Variants in PRKN observed in about 807,000 individuals in gnomAD.
The protein encoded by PRKN is parkin RBR E3 ubiquitin protein ligase.
In PRKN, 56 loss-of-function variants were observed where a neutral mutation model predicts 59.5. The ratio of observed to expected loss-of-function variants is 0.94; its 90% CI spans 0.76 to 1.18. The LOEUF is 1.18. Ranked by LOEUF, PRKN falls within the 50% of genes most tolerant of loss-of-function variation. The pLI, the probability that PRKN is intolerant of heterozygous loss-of-function variation, is 0.00. For synonymous variants in PRKN, 250 were observed against 222.1 expected (o/e 1.13, Z -1.12); for missense variants, 657 against 596.4 (o/e 1.10, Z -1.06).
intron 6 of PRKN, among the ~76,000 whole-genome samples, chr6:161,938,212 A>T (rs1267304169): frequency 6.6e-6 from 1 of 152,224 alleles, no homozygotes; most frequent in East Asian, 1.9e-4. Context: ...TCTCAGGGAA[A>T]CTGGCTTACC....
intron 3 of PRKN, among the ~76,000 whole-genome samples, chr6:162,235,291 G>A (rs1035828427): frequency 2.0e-5 from 3 of 152,054 alleles, no homozygotes; most frequent in African/African-American, 7.2e-5. Flanking sequence ...TTGTTTTTTA[G>A]CCAGGTAATA....
At chr6:162,446,347 T>G (rs1316551326) in intron 1 of PRKN, among the ~76,000 whole-genome samples, 1 of 152,188 alleles carries the variant, frequency 6.6e-6, no homozygotes, top group Non-Finnish European at 1.5e-5. Context: ...CCAAAGCTGC[T>G]ATAAAACCAG....
In PRKN at chr6:162,225,985, T is replaced by C. The variant is rs1040486738; in HGVS notation, c.413-24733A>G. On this transcript the variant is annotated intron_variant, in intron 3 of 11. Coordinates refer to ENST00000366898, the MANE Select transcript of PRKN (RefSeq NM_004562.3). Reference sequence around the variant, plus strand: ...ATATGTTTAGGAAACCATATGTATATACAAATGGAAAGAGTTGGAAGCAAT... The same window carrying C: ...ATATGTTTAGGAAACCATATGTATACACAAATGGAAAGAGTTGGAAGCAAT... Among the ~76,000 whole-genome samples, 7 of 147,680 alleles carry C rather than the reference T, an allele frequency of 4.7e-5. 1 individual carries two copies. The East Asian group carries it at 9.8e-4, about 21-fold the overall frequency.
chr6:161,621,712 AT>A (rs1476891224), intron 7 of PRKN, among the ~76,000 whole-genome samples: 9 of 152,234 alleles, frequency 5.9e-5, no homozygotes, highest in Non-Finnish European at 1.2e-4. Flanking sequence ...GACACCTAAA[AT>A]TAACCATTAC....
At position 161,578,392 on chromosome 6, in the gene PRKN, C is replaced by G. The variant is rs1781215299; in HGVS notation, c.872-8976G>C. ...AAGAAACTCCTGCAAATAATTTAACCAGACAGTTTGCTCATCTGAGTAGCC... is the reference window on the plus strand; with the variant it reads ...AAGAAACTCCTGCAAATAATTTAACGAGACAGTTTGCTCATCTGAGTAGCC... On this transcript the variant is annotated intron_variant, in intron 7 of 11. Coordinates refer to ENST00000366898, the MANE Select transcript of PRKN (RefSeq NM_004562.3). The surrounding 1 kb of genome is among the most constrained non-coding windows in gnomAD (Gnocchi z 4.2). Among the ~76,000 whole-genome samples, 1 of 152,156 alleles carries G rather than the reference C, an allele frequency of 6.6e-6. No homozygotes were observed. The highest frequency in any genetic ancestry group is 1.5e-5 in the Non-Finnish European group (1 of 68,020).
chr6:162,658,933 G>A (rs1316304621), intron 1 of PRKN, among the ~76,000 whole-genome samples: 7 of 151,934 alleles, frequency 4.6e-5, no homozygotes, highest in African/African-American at 7.3e-5. Flanking sequence ...ACGTCTTACC[G>A]ATTTTTTAGT....
chr6:162,252,207 T>C (rs1157535431), intron 3 of PRKN, among the ~76,000 whole-genome samples: 1 of 152,218 alleles, frequency 6.6e-6, no homozygotes, highest in Non-Finnish European at 1.5e-5. Context: ...ATAACCAATG[T>C]AGCTGTTAGG....
chr6:162,243,650 A>G lies in PRKN; in HGVS notation c.412+18875T>C, dbSNP rs148679032. ...AAAGATAAGTTTGCTGAAGATCTAC[A>G]AAGAATGCAAAAATTAATATGCATA... On this transcript the variant is annotated intron_variant, in intron 3 of 11. Coordinates refer to ENST00000366898, the MANE Select transcript of PRKN (RefSeq NM_004562.3). Among the ~76,000 whole-genome samples, 723 of 152,248 alleles carry G rather than the reference A, an allele frequency of 4.7e-3. 8 individuals carry two copies. Among genetic ancestry groups the G allele is most frequent in the African/African-American group, 0.017 (687 of 41,558 alleles).
At chr6:161,925,703 T>C (rs969020476) in intron 6 of PRKN, among the ~76,000 whole-genome samples, 1 of 152,196 alleles carries the variant, frequency 6.6e-6, no homozygotes, top group Non-Finnish European at 1.5e-5. Flanking sequence ...AAGATACAAT[T>C]GAACTTATTC....
At chr6:161,644,096 C>T (rs967100224) in intron 7 of PRKN, among the ~76,000 whole-genome samples, 1 of 152,116 alleles carries the variant, frequency 6.6e-6, no homozygotes, top group African/African-American at 2.4e-5. Context: ...GGTGGCTCAC[C>T]TCCAATCTCA....
intron 4 of PRKN, among the ~76,000 whole-genome samples, chr6:162,182,710 T>C (rs1783850099): frequency 6.6e-6 from 1 of 152,240 alleles, no homozygotes; most frequent in African/African-American, 2.4e-5. Flanking sequence ...TATTGCACTT[T>C]TACTTTATTG....
intron 10 of PRKN, among the ~76,000 whole-genome samples, chr6:161,374,130 C>T (rs1048936163): frequency 2.0e-5 from 3 of 152,130 alleles, no homozygotes; most frequent in Admixed American, 2.0e-4. Flanking sequence ...GGGGCGCTTT[C>T]CTTTGAGGAG....
rs1215204828 is a variant in PRKN, at chr6:161,359,600, T to G, written c.1285+488A>C. Reference sequence around the variant, plus strand: ...GGATAGACAGCAGGAAGTCCCCCACTGGTACTGTGAGTCATCAGGGGCAGG... The same window carrying G: ...GGATAGACAGCAGGAAGTCCCCCACGGGTACTGTGAGTCATCAGGGGCAGG... On this transcript the variant is annotated intron_variant, in intron 11 of 11. Transcript: ENST00000366898. This position sits in a 1 kb window ranked among gnomAD's most constrained non-coding sequence, Gnocchi z 5.4. Among the ~76,000 whole-genome samples the G allele has an allele frequency of 6.6e-6, 1 of 152,214 alleles. No homozygotes were observed. The highest frequency in any genetic ancestry group is 1.5e-5 in the Non-Finnish European group (1 of 68,034).
At chr6:161,766,728 AT>A (rs1583131107) in intron 7 of PRKN, among the ~76,000 whole-genome samples, 1 of 152,214 alleles carries the variant, frequency 6.6e-6, no homozygotes, top group East Asian at 1.9e-4. Context: ...ATTTGATTGT[AT>A]TTTTTCATGC....
At chr6:162,696,718 A>T (rs2023039) in intron 1 of PRKN, among the ~76,000 whole-genome samples, 111,747 of 151,478 alleles carry the variant, frequency 0.74, 42,260 homozygotes, top group African/African-American at 0.89. Flanking sequence ...TAATTTTTTT[A>T]AATCTTTTGT....
chr6:162,352,344 A>G (rs1355001333), intron 2 of PRKN, among the ~76,000 whole-genome samples: 1 of 152,208 alleles, frequency 6.6e-6, no homozygotes, highest in African/African-American at 2.4e-5. Flanking sequence ...GTCAAACCGC[A>G]GGACTGCCTT....
intron 1 of PRKN, among the ~76,000 whole-genome samples, chr6:162,584,979 C>A (rs1031941678): frequency 6.7e-6 from 1 of 148,978 alleles, no homozygotes; most frequent in African/African-American, 2.5e-5. Context: ...TGGCTCACTG[C>A]AACCTCCACC....
At position 161,562,850 on chromosome 6, in the gene PRKN, A is replaced by G. The variant is rs542641636; in HGVS notation, c.933+6505T>C. On this transcript the variant is annotated intron_variant, in intron 8 of 11. Transcript: ENST00000366898. The surrounding 1 kb of genome is among the most constrained non-coding windows in gnomAD (Gnocchi z 4.3). ...CTCCATATTGCAACAAGATTGACAT[A>G]CTCAAAATGTAATTTGGATAATGCT... Among the ~76,000 whole-genome samples, 3 of 152,340 alleles carry G rather than the reference A, an allele frequency of 2.0e-5. No homozygotes were observed. The East Asian group carries it at 5.8e-4, about 29-fold the overall frequency.
Position 161,405,610 on chromosome 6 carries a change from A to G in PRKN, c.1084-18733T>C, listed in dbSNP as rs1476673448. ...AAATAAAATAAAATAAAAATTAAAA[A>G]TAAATAAATAAATAAATAAATAAAT... On this transcript the variant is annotated intron_variant, in intron 9 of 11. Transcript: ENST00000366898. This position sits in a 1 kb window ranked among gnomAD's most constrained non-coding sequence, Gnocchi z 5.1. Among the ~76,000 whole-genome samples the G allele has an allele frequency of 1.3e-5, 1 of 74,850 alleles. No individual in the cohort carries two copies. Among genetic ancestry groups the G allele is most frequent in the Non-Finnish European group, 3.4e-5 (1 of 29,822 alleles). 49.1% of individuals were successfully genotyped at this position (74,850 alleles called of 152,430 possible).
Sources: gnomAD v4.1 joint callset for allele counts (sites outside exome capture counted in the v4.1 genomes callset) on GRCh38, gnomAD v4.1.1 for gene constraint, Gnocchi (gnomAD v3.1) non-coding constraint, MANE v1.5 for transcripts, NCBI Gene and HGNC (gene_info 2026-07-23, HGNC 2026-07-21) for gene names.